LATS2: variants seen among roughly 807,000 people sequenced by gnomAD.
LATS2 encodes serine/threonine-protein kinase LATS2.
LATS2 carries 24 observed loss-of-function variants against 76.0 expected under a neutral mutation model. The observed-to-expected ratio is 0.32, with a 90% CI of 0.23 to 0.44. The LOEUF is 0.44. Ranked by LOEUF, LATS2 falls within the 20% of genes least tolerant of loss-of-function variation. LATS2 has a pLI of 1.00. For synonymous variants in LATS2, 692 were observed against 635.4 expected (o/e 1.09, Z -1.34); for missense variants, 1,286 against 1,481.2 (o/e 0.87, Z 2.16).
In LATS2 at chr13:21,024,046, A is replaced by G. The variant is rs894754200; in HGVS notation, c.342+21639T>C. On this transcript the variant is annotated intron_variant, in intron 2 of 7. Coordinates refer to ENST00000382592, the MANE Select transcript of LATS2 (RefSeq NM_014572.3). ...CAGGCATCCTCGGGAAGGGCCCCCC[A>G]GGGAGTTTACAGACCTTCCCCAGAA... Among the ~76,000 whole-genome samples, 98 of 142,218 alleles carry G rather than the reference A, an allele frequency of 6.9e-4. 1 individual carries two copies. Among genetic ancestry groups the G allele is most frequent in the Admixed American group, 3.7e-3 (51 of 13,686 alleles). 93.3% of individuals were successfully genotyped at this position (142,218 alleles called of 152,430 possible).
chr13:21,005,379 G>A (rs1016519035), intron 2 of LATS2: 1 of 152,230 alleles, frequency 6.6e-6, no homozygotes, highest in East Asian at 1.9e-4. Flanking sequence ...ACTCCTACTG[G>A]GCAGGGCTCA....
intron 2 of LATS2, among the ~76,000 whole-genome samples, chr13:21,042,409 G>A (rs987660598): frequency 6.6e-6 from 1 of 152,158 alleles, no homozygotes; most frequent in Admixed American, 6.5e-5. Context: ...TTAATTAAAA[G>A]TTAAGGCTGG....
chr13:21,019,628 CCACCG>C (rs1345838902), intron 2 of LATS2, among the ~76,000 whole-genome samples: 184 of 136,306 alleles, frequency 1.3e-3, no homozygotes, highest in African/African-American at 4.5e-3. Flanking sequence ...TAGGTGTGAG[CCACCG>C]CATCCAGCTG....
At chr13:21,011,824 C>A (rs533153103) in intron 2 of LATS2, among the ~76,000 whole-genome samples, 1 of 152,330 alleles carries the variant, frequency 6.6e-6, no homozygotes, top group African/African-American at 2.4e-5. Flanking sequence ...TGTACTTACA[C>A]AAACCTAGAT....
chr13:21,036,792 C>A (rs991299465), intron 2 of LATS2, among the ~76,000 whole-genome samples: 24 of 127,348 alleles, frequency 1.9e-4, no homozygotes, highest in South Asian at 5.2e-4. Context: ...ACAACAACAA[C>A]AAAAAACAAC....
At chr13:21,042,083 T>A (rs756454532) in intron 2 of LATS2, among the ~76,000 whole-genome samples, 1 of 152,164 alleles carries the variant, frequency 6.6e-6, no homozygotes, top group Non-Finnish European at 1.5e-5. Flanking sequence ...CCTTTCCAAT[T>A]CCTTAAATCT....
intron 2 of LATS2, among the ~76,000 whole-genome samples, chr13:21,025,828 T>C (rs1271649940): frequency 6.6e-6 from 1 of 152,200 alleles, no homozygotes; most frequent in Non-Finnish European, 1.5e-5. Flanking sequence ...AGCAGAGCTG[T>C]GGAGATGCTA....
chr13:21,040,060 C>T lies in LATS2; in HGVS notation c.342+5625G>A, dbSNP rs533285739. On this transcript the variant is annotated intron_variant, in intron 2 of 7. Transcript: ENST00000382592. The stretch of plus-strand genomic sequence containing the variant: ...TGTATTCCAGCCTGGGCAATAAGAG[C>T]GAAACTCCATCTCAAAAAAAAAAAA... Among the ~76,000 whole-genome samples, 13 of 149,456 alleles carry T rather than the reference C, an allele frequency of 8.7e-5. No individual in the cohort carries two copies. The East Asian group carries it at 2.1e-3, about 25-fold the overall frequency.
chr13:21,032,565 C>CT (rs949353921), intron 2 of LATS2, among the ~76,000 whole-genome samples: 59 of 151,536 alleles, frequency 3.9e-4, no homozygotes, highest in South Asian at 6.3e-4. Flanking sequence ...TGCACCCAGC[C>CT]TTTTTTTTTC....
intron 2 of LATS2, among the ~76,000 whole-genome samples, chr13:21,027,547 A>C (rs1872353899): frequency 6.6e-6 from 1 of 152,136 alleles, no homozygotes; most frequent in Non-Finnish European, 1.5e-5. Flanking sequence ...GTCCCATGTA[A>C]GTGTGGGTCT....
chr13:21,054,136 G>C (rs2138417025), intron 1 of LATS2, among the ~76,000 whole-genome samples: 2 of 152,278 alleles, frequency 1.3e-5, no homozygotes, highest in African/African-American at 4.8e-5. Flanking sequence ...ACTCGTGTTT[G>C]AACAATGGCT....
intron 1 of LATS2, among the ~76,000 whole-genome samples, chr13:21,053,922 A>T (rs570180947): frequency 1.3e-5 from 2 of 152,314 alleles, no homozygotes; most frequent in South Asian, 4.1e-4. Flanking sequence ...GGGAACAGGG[A>T]ATTTTTACTT....
chr13:21,047,336 C>A (rs1184275978), intron 1 of LATS2, among the ~76,000 whole-genome samples: 1 of 152,146 alleles, frequency 6.6e-6, no homozygotes, highest in Non-Finnish European at 1.5e-5. Flanking sequence ...GACAAGGGTA[C>A]CAGGCCCTGC....
chr13:21,026,227 T>G (rs892520186), intron 2 of LATS2, among the ~76,000 whole-genome samples: 3 of 152,178 alleles, frequency 2.0e-5, no homozygotes, highest in African/African-American at 7.2e-5. Context: ...ATACAGAATA[T>G]TTCCATCAAT....
Position 20,975,124 on chromosome 13 carries a change from C to T in LATS2, c.3013G>A (p.Val1005Ile), listed in dbSNP as rs780614508. ...HPMDTSNFDP[V>I]DEESPWNDAS... ...TCGTTCCAAGGGCTTTCTTCATCTACGGGGTCGAAATTCGAGGTGTCCATG... is the reference window on the plus strand; with the variant it reads ...TCGTTCCAAGGGCTTTCTTCATCTATGGGGTCGAAATTCGAGGTGTCCATG... Residue 1005 changes from valine (V) to isoleucine (I), a missense_variant, in exon 8 of 8, where the codon GTA becomes ATA. Physicochemically the swap from Val to Ile is conservative, Grantham distance 29. This residue lies in a region of LATS2 where 210 missense variants were observed against 234.9 expected (regional missense o/e 0.89). Coordinates refer to ENST00000382592, the MANE Select transcript of LATS2 (RefSeq NM_014572.3). The T allele has an allele frequency of 2.0e-5, 33 of 1,614,050 alleles. No individual in the cohort carries two copies. Among genetic ancestry groups the T allele is most frequent in the East Asian group, 1.3e-4 (6 of 44,902 alleles).
chr13:21,024,372 GT>G (rs1158913386), intron 2 of LATS2, among the ~76,000 whole-genome samples: 3 of 152,088 alleles, frequency 2.0e-5, no homozygotes, highest in Non-Finnish European at 4.4e-5. Flanking sequence ...GGAGGCGGAG[GT>G]TGCAGTGAGC....
intron 2 of LATS2, among the ~76,000 whole-genome samples, chr13:21,010,447 TCAGCTTTTAGTA>T (rs1206824037): frequency 6.6e-6 from 1 of 151,940 alleles, no homozygotes; most frequent in African/African-American, 2.4e-5. Flanking sequence ...GTCCTTCCAA[TCAGCTTTTAGTA>T]CATCACTCCC....
intron 2 of LATS2, among the ~76,000 whole-genome samples, chr13:21,040,022 G>A (rs993674296): frequency 5.3e-5 from 8 of 151,458 alleles, no homozygotes; most frequent in Non-Finnish European, 1.0e-4. Context: ...GCAGTAAGCC[G>A]AGATAGCTCC....
At position 21,007,763 on chromosome 13, in the gene LATS2, T is replaced by A. The variant is rs867547196; in HGVS notation, c.343-16359A>T. Among the ~76,000 whole-genome samples the A allele has an allele frequency of 4.1e-3, 176 of 42,780 alleles. 22 individuals carry two copies. Among genetic ancestry groups the A allele is most frequent in the African/African-American group, 0.011 (98 of 8,988 alleles). 28.1% of individuals were successfully genotyped at this position (42,780 alleles called of 152,430 possible). ...ATATATATATATATATATATATATT[T>A]TTTTTTTTTTTTTGAGATGGAGTCT... On this transcript the variant is annotated intron_variant, in intron 2 of 7. Transcript: ENST00000382592.
Sources: allele counts gnomAD v4.1 joint callset (sites outside exome capture counted in the v4.1 genomes callset), GRCh38; gene constraint gnomAD v4.1.1; regional missense constraint gnomAD v4.1.1; transcripts MANE v1.5; gene names NCBI Gene and HGNC (gene_info 2026-07-23, HGNC 2026-07-21).